Variants in DCC observed in about 807,000 individuals in gnomAD.
DCC encodes the protein netrin receptor DCC.
Under a neutral mutation model 172.5 loss-of-function variants are expected in DCC, and 58 were observed. That is an observed-to-expected ratio of 0.34 (90% CI 0.27 to 0.42). The LOEUF (loss-of-function observed/expected upper bound fraction) is 0.42, where lower values mean the gene tolerates loss of function less well. Ranked by LOEUF, DCC falls within the 10% of genes least tolerant of loss-of-function variation. The pLI is 1.00. For synonymous variants in DCC, 709 were observed against 644.5 expected (o/e 1.10, Z -1.52); for missense variants, 1,740 against 1,791.0 (o/e 0.97, Z 0.51).
At chr18:52,355,371 A>G (rs1350270192) in intron 1 of DCC, among the ~76,000 whole-genome samples, 1 of 152,150 alleles carries the variant, frequency 6.6e-6, no homozygotes, top group Non-Finnish European at 1.5e-5. Flanking sequence ...CAAATCTACG[A>G]ATGAGTTCCA....
intron 2 of DCC, among the ~76,000 whole-genome samples, chr18:52,858,823 C>T (rs960795691): frequency 6.6e-6 from 1 of 152,282 alleles, no homozygotes; most frequent in Non-Finnish European, 1.5e-5. Context: ...TGTGTGCAGG[C>T]CCCTGGAATG....
intron 1 of DCC, among the ~76,000 whole-genome samples, chr18:52,670,819 A>G (rs888616181): frequency 6.6e-6 from 1 of 152,014 alleles, no homozygotes; most frequent in Non-Finnish European, 1.5e-5. Context: ...CAGCCTGGGC[A>G]AAAGGAGCAA....
At chr18:52,529,526 G>A (rs74537993) in intron 1 of DCC, among the ~76,000 whole-genome samples, 36 of 152,230 alleles carry the variant, frequency 2.4e-4, no homozygotes, top group East Asian at 1.2e-3. Context: ...TCCTGACCTC[G>A]TGATCCACCC....
intron 1 of DCC, among the ~76,000 whole-genome samples, chr18:52,711,031 C>T (rs2036283681): frequency 1.3e-5 from 2 of 152,134 alleles, no homozygotes; most frequent in African/African-American, 4.8e-5. Flanking sequence ...AAAACAATAA[C>T]TTTATCCGGC....
At chr18:53,237,966 A>G (rs747145888) in intron 12 of DCC, among the ~76,000 whole-genome samples, 1 of 152,166 alleles carries the variant, frequency 6.6e-6, no homozygotes, top group African/African-American at 2.4e-5. Context: ...ATTACTTACC[A>G]AGAAAACCTA....
At chr18:53,313,687 A>G (rs2057310572) in intron 13 of DCC, among the ~76,000 whole-genome samples, 2 of 152,336 alleles carry the variant, frequency 1.3e-5, no homozygotes, top group East Asian at 1.9e-4. Flanking sequence ...AGTCTGATGT[A>G]GTGATCATAG....
intron 13 of DCC, among the ~76,000 whole-genome samples, chr18:53,313,541 C>A (rs1047905699): frequency 6.6e-6 from 1 of 152,120 alleles, no homozygotes; most frequent in Non-Finnish European, 1.5e-5. Flanking sequence ...CCACCGCTCC[C>A]GGCCGCATTT....
At chr18:52,714,447 C>A (rs889365361) in intron 1 of DCC, among the ~76,000 whole-genome samples, 1 of 152,100 alleles carries the variant, frequency 6.6e-6, no homozygotes, top group African/African-American at 2.4e-5. Flanking sequence ...GAAGTTAGCT[C>A]TGTAATACTT....
intron 1 of DCC, among the ~76,000 whole-genome samples, chr18:52,629,115 T>C (rs1325147731): frequency 6.6e-6 from 1 of 152,238 alleles, no homozygotes; most frequent in East Asian, 1.9e-4. Context: ...TTTCAAGAAC[T>C]GGAAGAAATT....
chr18:53,079,779 A>C (rs1165327866), intron 7 of DCC, among the ~76,000 whole-genome samples: 2 of 152,176 alleles, frequency 1.3e-5, no homozygotes, highest in Non-Finnish European at 2.9e-5. Flanking sequence ...CCAAGCTGCC[A>C]AGAAGGGCAA....
chr18:52,547,760 A>T (rs886548882), intron 1 of DCC, among the ~76,000 whole-genome samples: 2 of 152,182 alleles, frequency 1.3e-5, no homozygotes, highest in Non-Finnish European at 2.9e-5. Flanking sequence ...GAACAAAGGC[A>T]GGGATGTTAA....
At chr18:53,168,654 G>T (rs2054963320) in intron 8 of DCC, among the ~76,000 whole-genome samples, 1 of 151,970 alleles carries the variant, frequency 6.6e-6, no homozygotes, top group Non-Finnish European at 1.5e-5. Flanking sequence ...AACCACCATG[G>T]CACATGTATA....
chr18:53,191,337 A>G (rs950381270), intron 9 of DCC, among the ~76,000 whole-genome samples: 1 of 152,200 alleles, frequency 6.6e-6, no homozygotes, highest in African/African-American at 2.4e-5. Context: ...TTACATTTTT[A>G]TTTATGCCAC....
chr18:53,034,999 T>C (rs1489600440), intron 5 of DCC, among the ~76,000 whole-genome samples: 1 of 152,130 alleles, frequency 6.6e-6, no homozygotes, highest in Non-Finnish European at 1.5e-5. Context: ...TTCTCCTTTA[T>C]GTACTTTTTG....
chr18:52,657,492 T>C (rs2035278960), intron 1 of DCC, among the ~76,000 whole-genome samples: 1 of 152,194 alleles, frequency 6.6e-6, no homozygotes, highest in Admixed American at 6.5e-5. Flanking sequence ...GATTTTATTT[T>C]AACCAGCAGG....
chr18:53,234,343 C>T lies in DCC; in HGVS notation c.1911+18746C>T, dbSNP rs546489304. ...ACTCGGGAGGCTGAGCCAGGAGAAT[C>T]GCTTGAACCCAGGAGGCAGAGGTTG... On this transcript the variant is annotated intron_variant, in intron 12 of 28. Coordinates refer to ENST00000442544, the MANE Select transcript of DCC (RefSeq NM_005215.4). Among the ~76,000 whole-genome samples, 10 of 152,208 alleles carry T rather than the reference C, an allele frequency of 6.6e-5. No homozygotes were observed. The South Asian group carries it at 1.7e-3, about 25-fold the overall frequency.
chr18:53,375,989 T>C (rs547624790), intron 15 of DCC, among the ~76,000 whole-genome samples: 90 of 152,270 alleles, frequency 5.9e-4, no homozygotes, highest in Admixed American at 1.0e-3. Flanking sequence ...ATATCTTTTT[T>C]GATGAGGTGA....
chr18:52,491,862 TG>T (rs2030518523), intron 1 of DCC, among the ~76,000 whole-genome samples: 1 of 151,950 alleles, frequency 6.6e-6, no homozygotes, highest in Non-Finnish European at 1.5e-5. Flanking sequence ...CTGGGATGTT[TG>T]GGGTGTATCT....
chr18:52,686,582 C>T (rs1348316289), intron 1 of DCC, among the ~76,000 whole-genome samples: 1 of 152,086 alleles, frequency 6.6e-6, no homozygotes, highest in Non-Finnish European at 1.5e-5. Context: ...ATTAAGATCC[C>T]ATCACCATCC....
Sources: gnomAD v4.1 joint callset for allele counts (sites outside exome capture counted in the v4.1 genomes callset) on GRCh38, gnomAD v4.1.1 for gene constraint, MANE v1.5 for transcripts, NCBI Gene and HGNC (gene_info 2026-07-23, HGNC 2026-07-21) for gene names.